NACC2: variants seen among roughly 807,000 people sequenced by gnomAD.
NACC2 encodes the protein NACC family member 2, also known as nucleus accumbens-associated protein 2.
NACC2 carries 8 observed loss-of-function variants against 25.1 expected under a neutral mutation model. The observed-to-expected ratio is 0.32, with a 90% CI of 0.19 to 0.57. The LOEUF (loss-of-function observed/expected upper bound fraction) is 0.57, where lower values mean the gene tolerates loss of function less well. NACC2 is among the 20% of genes least tolerant of loss of function. The pLI is 0.89. For missense variants in NACC2, 644 were observed against 650.2 expected (o/e 0.99, Z 0.10); for synonymous variants, 435 against 294.7 (o/e 1.48, Z -4.88).
intron 1 of NACC2, among the ~76,000 whole-genome samples, chr9:136,081,112 T>A (rs756757910): frequency 6.6e-6 from 1 of 152,046 alleles, no homozygotes; most frequent in Non-Finnish European, 1.5e-5. Flanking sequence ...ATATTTCTCG[T>A]AACACAGGAA....
intron 1 of NACC2, among the ~76,000 whole-genome samples, chr9:136,064,193 G>GC (rs898971573): frequency 2.6e-5 from 4 of 152,056 alleles, no homozygotes; most frequent in Non-Finnish European, 5.9e-5. Context: ...GGAGGCTGAG[G>GC]GGGGAGAATC....
rs1201540011 is a variant in NACC2 at position 136,095,173 on chromosome 9, G to T, written c.-60+16C>A. ...GCGTAACCCGGGGGCGGCCGCGCGC[G>T]CCAAGTTGGCGGTACCTGCGGGCGC... On this transcript the variant is annotated intron_variant, in intron 1 of 5. Coordinates refer to ENST00000277554, the MANE Select transcript of NACC2 (RefSeq NM_144653.5). 6.8e-6 allele frequency: 1 copy of T among 146,918 alleles called. No homozygotes were observed. Among genetic ancestry groups the T allele is most frequent in the Admixed American group, 6.7e-5 (1 of 14,818 alleles). 9.1% of individuals were successfully genotyped at this position (146,918 alleles called of 1,614,324 possible). A position where few individuals can be genotyped will look rare whatever the true frequency, so the allele number is the denominator to read the frequency against.
intron 1 of NACC2, among the ~76,000 whole-genome samples, chr9:136,059,408 G>C (rs1162771686): frequency 6.6e-6 from 1 of 152,238 alleles, no homozygotes; most frequent in Non-Finnish European, 1.5e-5. Context: ...GGCTGCGCGA[G>C]AGGCCCCAGA....
In NACC2 at chr9:136,013,140, A is replaced by G; in HGVS notation, c.1255+59T>C. 7.0e-7 allele frequency: 1 copy of G among 1,438,058 alleles called. No homozygotes were observed. The highest frequency in any genetic ancestry group is 1.2e-5 in the South Asian group (1 of 83,996). The allele number at this position is 1,438,058 out of a possible 1,614,324, so 89.1% of individuals were successfully genotyped here. A position where few individuals can be genotyped will look rare whatever the true frequency, so the allele number is the denominator to read the frequency against. ...CCCCGCGGCCCACCCAGTCCTCCTC[A>G]GGCTGGGATCTGAACCCAGCCCCGG... On this transcript the variant is annotated intron_variant, in intron 5 of 5. Transcript: ENST00000277554. This position sits in a 1 kb window ranked among gnomAD's most constrained non-coding sequence, Gnocchi z 6.6.
chr9:136,038,207 T>C (rs1271627024), intron 2 of NACC2, among the ~76,000 whole-genome samples: 2 of 152,130 alleles, frequency 1.3e-5, no homozygotes, highest in African/African-American at 4.8e-5. Context: ...TTCTATATCT[T>C]GACTGGGGAG....
intron 2 of NACC2, among the ~76,000 whole-genome samples, chr9:136,024,911 G>A (rs930275641): frequency 2.6e-5 from 4 of 152,216 alleles, no homozygotes; most frequent in Admixed American, 6.5e-5. Flanking sequence ...CGGGAGCCTC[G>A]GGGCCCAGGA....
At chr9:136,061,109 GTTC>G (rs1227815736) in intron 1 of NACC2, among the ~76,000 whole-genome samples, 3 of 152,124 alleles carry the variant, frequency 2.0e-5, no homozygotes, top group African/African-American at 7.2e-5. Flanking sequence ...CAGGTAAGGG[GTTC>G]CTCTTCTGCC....
intron 1 of NACC2, among the ~76,000 whole-genome samples, chr9:136,080,892 G>A (rs916568840): frequency 5.3e-5 from 8 of 152,150 alleles, no homozygotes; most frequent in Admixed American, 1.3e-4. Context: ...CCGCCCCTGC[G>A]TGCTAGGGTG....
intron 1 of NACC2, among the ~76,000 whole-genome samples, chr9:136,061,525 G>C (rs1051602406): frequency 1.3e-5 from 2 of 152,220 alleles, no homozygotes; most frequent in African/African-American, 4.8e-5. Context: ...AGCTGGGGTA[G>C]GGGAAGGCGG....
At chr9:136,074,325 C>T (rs1456850353) in intron 1 of NACC2, among the ~76,000 whole-genome samples, 6 of 145,868 alleles carry the variant, frequency 4.1e-5, no homozygotes, top group East Asian at 2.1e-4. Flanking sequence ...TGGTGGTGGG[C>T]GCCTGTAGTC....
intron 1 of NACC2, among the ~76,000 whole-genome samples, chr9:136,076,396 G>T (rs1201383479): frequency 6.6e-6 from 1 of 152,124 alleles, no homozygotes; most frequent in East Asian, 1.9e-4. Flanking sequence ...GCACCCCCCA[G>T]CCCGGTGAAC....
In NACC2 at chr9:136,086,183, T is replaced by C. The variant is rs1830377134; in HGVS notation, c.-60+9006A>G. 6.6e-6 allele frequency among the ~76,000 whole-genome samples: 1 copy of C among 152,222 alleles called. No homozygotes were observed. Among genetic ancestry groups the C allele is most frequent in the African/African-American group, 2.4e-5 (1 of 41,452 alleles). On this transcript the variant is annotated intron_variant, in intron 1 of 5. Transcript: ENST00000277554. This position sits in a 1 kb window ranked among gnomAD's most constrained non-coding sequence, Gnocchi z 5.6. Reference sequence around the variant, plus strand: ...ACCTTCAGAAGCCACTCCCTGAATGTGGCCAGGACCCTCCATGGGCCTTCA... The same window carrying C: ...ACCTTCAGAAGCCACTCCCTGAATGCGGCCAGGACCCTCCATGGGCCTTCA...
chr9:136,042,135 C>T (rs1840642858), intron 2 of NACC2, among the ~76,000 whole-genome samples: 1 of 152,126 alleles, frequency 6.6e-6, no homozygotes, highest in Non-Finnish European at 1.5e-5. Context: ...ACTACAGGCG[C>T]ATGCCACCAC....
Position 136,015,700 on chromosome 9 carries a change from A to G in NACC2, c.1051+565T>C, listed in dbSNP as rs149965872. ...GAAGAAATCCCCAGAAAATGGCCCAATAGTCACCAAAGAAGATGCCCATGG... is the reference window on the plus strand; with the variant it reads ...GAAGAAATCCCCAGAAAATGGCCCAGTAGTCACCAAAGAAGATGCCCATGG... On this transcript the variant is annotated intron_variant, in intron 3 of 5. Transcript: ENST00000277554. Among the ~76,000 whole-genome samples, 21 of 152,386 alleles carry G rather than the reference A, an allele frequency of 1.4e-4. No homozygotes were observed. In the East Asian group the frequency reaches 4.0e-3, roughly 29 times the overall value.
Position 136,090,702 on chromosome 9 carries a change from A to C in NACC2, c.-60+4487T>G, listed in dbSNP as rs546879796. 2.0e-5 allele frequency among the ~76,000 whole-genome samples: 3 copies of C among 152,272 alleles called. No homozygotes were observed. The East Asian group carries it at 5.8e-4, about 29-fold the overall frequency. ...GAGGGCTGGGGGGACTTTTATTTTC[A>C]ATCAACAAACATTTCTTGAGGCATG... On this transcript the variant is annotated intron_variant, in intron 1 of 5. Transcript: ENST00000277554.
rs1177750970 is a variant in NACC2 at position 136,084,337 on chromosome 9, CACCAAAGGCGGGTTGCTGGAGG to C, written c.-60+10830_-60+10851del. On this transcript the variant is annotated intron_variant, in intron 1 of 5. Transcript: ENST00000277554. This position sits in a 1 kb window ranked among gnomAD's most constrained non-coding sequence, Gnocchi z 5.1. Reference sequence around the variant, plus strand: ...TGTCCCCATGCACACCTGGGGCCTTCACCAAAGGCGGGTTGCTGGAGGGCTGCTTCCGAGACTCATCCATCAC... The same window carrying C: ...TGTCCCCATGCACACCTGGGGCCTTCGCTGCTTCCGAGACTCATCCATCAC... Among the ~76,000 whole-genome samples the C allele has an allele frequency of 1.3e-5, 2 of 152,178 alleles. No homozygotes were observed. The highest frequency in any genetic ancestry group is 4.8e-5 in the African/African-American group (2 of 41,432).
intron 1 of NACC2, among the ~76,000 whole-genome samples, chr9:136,068,934 A>T (rs1369167386): frequency 3.7e-5 from 4 of 107,744 alleles, no homozygotes; most frequent in Non-Finnish European, 6.6e-5. Flanking sequence ...TTTTTTTTTT[A>T]AAGATGGAGT....
rs1406026101 is a variant in NACC2, at chr9:136,022,509, C to CG, written c.887-6081dup. 6.6e-6 allele frequency among the ~76,000 whole-genome samples: 1 copy of CG among 152,178 alleles called. No individual in the cohort carries two copies. The highest frequency in any genetic ancestry group is 1.5e-5 in the Non-Finnish European group (1 of 68,008). Reference sequence around the variant, plus strand: ...GGCATTTAGTGTGGTCACTGCAGCTCGGGGAGACCTGCCTTCCCTGCTGTT... The same window carrying CG: ...GGCATTTAGTGTGGTCACTGCAGCTCGGGGGAGACCTGCCTTCCCTGCTGTT... On this transcript the variant is annotated intron_variant, in intron 2 of 5. Transcript: ENST00000277554. The surrounding 1 kb of genome is among the most constrained non-coding windows in gnomAD (Gnocchi z 4.4).
chr9:136,028,399 C>T (rs1347444706), intron 2 of NACC2, among the ~76,000 whole-genome samples: 3 of 128,098 alleles, frequency 2.3e-5, no homozygotes, highest in African/African-American at 8.9e-5. Flanking sequence ...TTTTTTGAGA[C>T]AGGGTCTCTT....
Sources: allele counts gnomAD v4.1 joint callset (sites outside exome capture counted in the v4.1 genomes callset), GRCh38; gene constraint gnomAD v4.1.1; non-coding constraint Gnocchi (gnomAD v3.1); transcripts MANE v1.5; gene names NCBI Gene and HGNC (gene_info 2026-07-23, HGNC 2026-07-21).